Variants in SEMA3A observed in about 807,000 individuals in gnomAD.
SEMA3A encodes semaphorin-3A.
In SEMA3A, 29 loss-of-function variants were observed where a neutral mutation model predicts 97.9. That is an observed-to-expected ratio of 0.30 (90% confidence interval 0.22 to 0.40). The LOEUF is 0.40. Among genes scored for constraint, SEMA3A ranks in the 10% least tolerant of loss-of-function variants. SEMA3A has a pLI of 1.00. For missense variants in SEMA3A, 763 were observed against 951.3 expected (o/e 0.80, Z 2.60); for synonymous variants, 321 against 323.7 (o/e 0.99, Z 0.09).
intron 2 of SEMA3A, among the ~76,000 whole-genome samples, chr7:84,323,036 A>G (rs1340908097): frequency 3.3e-5 from 5 of 152,220 alleles, no homozygotes; most frequent in Admixed American, 3.3e-4. Context: ...TAACCTGTAA[A>G]GTGAGGAAAA....
intron 3 of SEMA3A, among the ~76,000 whole-genome samples, chr7:84,251,276 C>T (rs1799601612): frequency 6.6e-6 from 1 of 152,082 alleles, no homozygotes; most frequent in Non-Finnish European, 1.5e-5. Flanking sequence ...TTTGTTGATC[C>T]AAGGTACTAT....
rs1476360135 is a variant in SEMA3A at position 83,997,743 on chromosome 7, TC to T, written c.1452+4211del. On this transcript the variant is annotated intron_variant, in intron 12 of 16. Coordinates refer to ENST00000265362, the MANE Select transcript of SEMA3A (RefSeq NM_006080.3). Reference sequence around the variant, plus strand: ...TGTTACAGATTGATAATGAAATTTTTCTTTTTTTTTTTTTTGAGAGGGAGTC... The same window carrying T: ...TGTTACAGATTGATAATGAAATTTTTTTTTTTTTTTTTTTGAGAGGGAGTC... Among the ~76,000 whole-genome samples, 18 of 151,622 alleles carry T rather than the reference TC, an allele frequency of 1.2e-4. 1 individual carries two copies. The East Asian group carries it at 3.3e-3, about 28-fold the overall frequency.
intron 6 of SEMA3A, among the ~76,000 whole-genome samples, chr7:84,024,011 CA>C (rs397890179): frequency 0.35 from 39,302 of 113,486 alleles, 5,260 homozygotes; most frequent in Middle Eastern, 0.46. Context: ...GACTCCGTCT[CA>C]AAAAAAAAAA....
At chr7:84,248,196 C>G (rs1799518791) in intron 3 of SEMA3A, among the ~76,000 whole-genome samples, 1 of 152,126 alleles carries the variant, frequency 6.6e-6, no homozygotes, top group Admixed American at 6.6e-5. Flanking sequence ...AGATAGTTTC[C>G]CCATGTTGAT....
intron 1 of SEMA3A, among the ~76,000 whole-genome samples, chr7:84,193,718 C>T (rs1425191148): frequency 5.3e-5 from 8 of 151,918 alleles, no homozygotes; most frequent in Admixed American, 5.2e-4. Context: ...TAAATTGTAA[C>T]CAAATAAAGC....
chr7:84,207,791 G>C (rs947606639), intron 3 of SEMA3A, among the ~76,000 whole-genome samples: 1 of 152,138 alleles, frequency 6.6e-6, no homozygotes, highest in African/African-American at 2.4e-5. Context: ...TGGTGGGGCT[G>C]TTGCTATGGG....
intron 15 of SEMA3A, among the ~76,000 whole-genome samples, chr7:83,965,249 T>C (rs544286196): frequency 7.9e-5 from 12 of 152,014 alleles, no homozygotes; most frequent in African/African-American, 2.7e-4. Context: ...CGTTTAAACT[T>C]TTCTTTATTA....
chr7:84,088,847 T>C (rs1794473315), intron 4 of SEMA3A, among the ~76,000 whole-genome samples: 1 of 152,164 alleles, frequency 6.6e-6, no homozygotes, highest in Non-Finnish European at 1.5e-5. Context: ...CCATGATTAA[T>C]ACATGAAAGT....
intron 3 of SEMA3A, among the ~76,000 whole-genome samples, chr7:84,296,703 C>T (rs908413635): frequency 7.2e-5 from 11 of 151,992 alleles, no homozygotes; most frequent in African/African-American, 2.4e-4. Flanking sequence ...CATCTTTGTA[C>T]CTCCATACTC....
chr7:84,219,686 T>C (rs1338644267), intron 3 of SEMA3A, among the ~76,000 whole-genome samples: 1 of 152,232 alleles, frequency 6.6e-6, no homozygotes, highest in African/African-American at 2.4e-5. Flanking sequence ...CTAAGAATCA[T>C]CTCAGCCTTC....
intron 12 of SEMA3A, among the ~76,000 whole-genome samples, chr7:83,993,441 C>T (rs1790053529): frequency 6.6e-6 from 1 of 151,686 alleles, no homozygotes; most frequent in African/African-American, 2.4e-5. Context: ...CATGATTTTG[C>T]AGTGGCTGGT....
At position 84,432,986 on chromosome 7, in the gene SEMA3A, T is replaced by C. The variant is rs1281872126; in HGVS notation, c.-246+59474A>G. ...AAAATTATCAAACTGTTTTCCACAA[T>C]GGCTGAACTAATTTACATTTCCTAC... On this transcript the variant is annotated intron_variant, in intron 1 of 3. Coordinates refer to the SEMA3A transcript ENST00000424555. Among the ~76,000 whole-genome samples the C allele has an allele frequency of 2.6e-5, 4 of 151,950 alleles. No individual in the cohort carries two copies. The East Asian group carries it at 7.8e-4, about 29-fold the overall frequency.
chr7:84,376,418 C>T (rs986248997), intron 1 of SEMA3A, among the ~76,000 whole-genome samples: 2 of 144,384 alleles, frequency 1.4e-5, no homozygotes, highest in Middle Eastern at 3.4e-3. Flanking sequence ...CTGGCTAACA[C>T]AGTGAAACCC....
At chr7:84,448,189 T>C (rs1383651233) in intron 1 of SEMA3A, among the ~76,000 whole-genome samples, 1 of 152,202 alleles carries the variant, frequency 6.6e-6, no homozygotes, top group Non-Finnish European at 1.5e-5. Flanking sequence ...CCAGCAGGCA[T>C]GAGCAAAACT....
chr7:84,125,541 G>A (rs1305458587), intron 3 of SEMA3A, among the ~76,000 whole-genome samples: 1 of 152,184 alleles, frequency 6.6e-6, no homozygotes, highest in Admixed American at 6.5e-5. Flanking sequence ...TGTAATCCCA[G>A]CTACTAAGGT....
chr7:83,987,470 GAA>G (rs1789684831), intron 12 of SEMA3A, among the ~76,000 whole-genome samples: 1 of 152,088 alleles, frequency 6.6e-6, no homozygotes, highest in Non-Finnish European at 1.5e-5. Context: ...GGGGCATAAA[GAA>G]AAAGATTCCT....
At chr7:84,251,652 T>C (rs1445262558) in intron 3 of SEMA3A, among the ~76,000 whole-genome samples, 1 of 152,154 alleles carries the variant, frequency 6.6e-6, no homozygotes, top group Non-Finnish European at 1.5e-5. Context: ...TACATAAAAC[T>C]TATTATTATG....
At chr7:84,072,975 T>A (rs1793798529) in intron 4 of SEMA3A, among the ~76,000 whole-genome samples, 1 of 152,128 alleles carries the variant, frequency 6.6e-6, no homozygotes, top group Non-Finnish European at 1.5e-5. Flanking sequence ...TTCGATAACA[T>A]CTTTTTCCAA....
At chr7:84,218,982 T>C (rs1562858071) in intron 3 of SEMA3A, among the ~76,000 whole-genome samples, 1 of 152,066 alleles carries the variant, frequency 6.6e-6, no homozygotes, top group South Asian at 2.1e-4. Flanking sequence ...ACAAAGGAAA[T>C]ATTTCAAAAA....
Sources: allele counts gnomAD v4.1 joint callset (sites outside exome capture counted in the v4.1 genomes callset), GRCh38; gene constraint gnomAD v4.1.1; transcripts MANE v1.5; gene names NCBI Gene and HGNC (gene_info 2026-07-23, HGNC 2026-07-21).